Variants in NUFIP1 observed in about 807,000 individuals in gnomAD.
NUFIP1 encodes nuclear FMR1 interacting protein 1, also known as FMR1-interacting protein NUFIP1.
NUFIP1 carries 38 observed loss-of-function variants against 56.2 expected under a neutral mutation model. That is an observed-to-expected ratio of 0.68 (90% CI 0.52 to 0.89). The LOEUF (loss-of-function observed/expected upper bound fraction) is 0.89. Among genes scored for constraint, NUFIP1 ranks in the 40% least tolerant of loss-of-function variants. The pLI is 0.00. For synonymous variants in NUFIP1, 215 were observed against 212.4 expected, an observed-to-expected ratio of 1.01 and a Z score of -0.10; for missense variants, 567 against 605.8, an observed-to-expected ratio of 0.94 and a Z score of 0.67.
At chr13:44,976,773 G>A (rs764428956) in intron 5 of NUFIP1, among the ~76,000 whole-genome samples, 1 of 152,112 alleles carries the variant, frequency 6.6e-6, no homozygotes, top group Non-Finnish European at 1.5e-5. Context: ...TTTGGTGGCT[G>A]GGTGGGAACT....
intron 6 of NUFIP1, among the ~76,000 whole-genome samples, chr13:44,960,566 CT>C (rs1248665652): frequency 6.6e-6 from 1 of 152,152 alleles, no homozygotes; most frequent in African/African-American, 2.4e-5. Context: ...TACACCTGGC[CT>C]TGTCTACTCA....
In NUFIP1 at chr13:44,973,187, T is replaced by C. The variant is rs183810135; in HGVS notation, c.734+6003A>G. On this transcript the variant is annotated intron_variant, in intron 5 of 9. Coordinates refer to ENST00000379161, the MANE Select transcript of NUFIP1 (RefSeq NM_012345.3). ...AAACCACAAGGGGGCATAGTTCACATTCGTGTAGGGAAAAGCCATTAATAC... is the reference window on the plus strand; with the variant it reads ...AAACCACAAGGGGGCATAGTTCACACTCGTGTAGGGAAAAGCCATTAATAC... 9.7e-4 allele frequency among the ~76,000 whole-genome samples: 148 copies of C among 152,310 alleles called. No homozygotes were observed. The South Asian group carries it at 0.018, about 19-fold the overall frequency.
chr13:44,979,106 C>G, intron 5 of NUFIP1, 84 bp downstream of exon 5: 2 of 1,090,838 alleles, frequency 1.8e-6, no homozygotes, highest in Non-Finnish European at 2.7e-6. Context: ...TTCCAACATT[C>G]TAAGGGAATT....
rs1870665323 is a variant in NUFIP1, at chr13:44,939,635, A to G, written c.*1571T>C. On this transcript the variant is annotated 3_prime_UTR_variant, in exon 10 of 10. Transcript: ENST00000379161. The stretch of plus-strand genomic sequence containing the variant: ...CCTTAGAAATTTTAAATACACTTGG[A>G]ATCTGAAATACCCATTAAAAATAAA... 2.6e-5 allele frequency: 4 copies of G among 152,226 alleles called. No individual in the cohort carries two copies. Among genetic ancestry groups the G allele is most frequent in the African/African-American group, 7.2e-5 (3 of 41,466 alleles). The allele number at this position is 152,226 out of a possible 1,614,324, so 9.4% of individuals were successfully genotyped here. A position where few individuals can be genotyped will look rare whatever the true frequency, so the allele number is the denominator to read the frequency against.
chr13:44,949,689 C>T (rs1871021885), intron 8 of NUFIP1, 33 bp downstream of exon 8: 1 of 1,409,450 alleles, frequency 7.1e-7, no homozygotes, highest in Non-Finnish European at 9.7e-7. Context: ...AGCAACAAAA[C>T]AAAACCCTGT....
chr13:44,957,777 A>C (rs187791511), intron 7 of NUFIP1, among the ~76,000 whole-genome samples: 1 of 152,346 alleles, frequency 6.6e-6, no homozygotes, highest in African/African-American at 2.4e-5. Flanking sequence ...AACAAAGACT[A>C]TCCAATATCG....
At chr13:44,946,981 G>A (rs1367361469) in intron 8 of NUFIP1, among the ~76,000 whole-genome samples, 1 of 152,106 alleles carries the variant, frequency 6.6e-6, no homozygotes, top group Non-Finnish European at 1.5e-5. Flanking sequence ...TGTGAAGCAA[G>A]GGTTTTTTCC....
chr13:44,977,203 T>C (rs1872010535), intron 5 of NUFIP1, among the ~76,000 whole-genome samples: 1 of 152,252 alleles, frequency 6.6e-6, no homozygotes, highest in African/African-American at 2.4e-5. Context: ...ACATACTAAA[T>C]TCTAGGCACT....
chr13:44,948,095 C>T (rs1175383), intron 8 of NUFIP1, among the ~76,000 whole-genome samples: 2,174 of 151,784 alleles, frequency 0.014, 58 homozygotes, highest in African/African-American at 0.051. Flanking sequence ...TTATCTCTAG[C>T]CTAGTCAACA....
intron 7 of NUFIP1, among the ~76,000 whole-genome samples, chr13:44,956,575 T>C (rs1395881861): frequency 6.6e-6 from 1 of 152,228 alleles, no homozygotes; most frequent in East Asian, 1.9e-4. Flanking sequence ...CAGTCCCATC[T>C]TGGGATGATG....
intron 8 of NUFIP1, among the ~76,000 whole-genome samples, chr13:44,949,452 C>T (rs1223719916): frequency 6.6e-6 from 1 of 151,984 alleles, no homozygotes; most frequent in Non-Finnish European, 1.5e-5. Context: ...CCGCCCGCCT[C>T]GGCCTCCCAA....
intron 6 of NUFIP1, among the ~76,000 whole-genome samples, chr13:44,961,916 G>C (rs1370996724): frequency 6.6e-6 from 1 of 152,212 alleles, no homozygotes; most frequent in Non-Finnish European, 1.5e-5. Flanking sequence ...AATTGAGAAA[G>C]TAGTGTATCT....
chr13:44,947,094 C>T (rs1026094933), intron 8 of NUFIP1, among the ~76,000 whole-genome samples: 7 of 152,050 alleles, frequency 4.6e-5, no homozygotes, highest in Non-Finnish European at 7.4e-5. Flanking sequence ...GAAAAGTCTA[C>T]GCATTATTGT....
At chr13:44,966,053 A>C (rs568782663) in intron 5 of NUFIP1, 117 bp from the exon 6 acceptor site, 29 of 458,114 alleles carry the variant, frequency 6.3e-5, no homozygotes, top group African/African-American at 5.7e-4. Context: ...CAAATTATAA[A>C]CCTTTAACTG....
At position 44,943,525 on chromosome 13, in the gene NUFIP1, T is replaced by A; in HGVS notation, c.1288A>T (p.Thr430Ser). Residue 430 changes from threonine (T) to serine (S), a missense_variant, in exon 9 of 10, where the codon ACA becomes TCA. Thr to Ser is a moderately conservative substitution (Grantham distance 58). Transcript: ENST00000379161. ...SENRKKSFEK[T>S]NPKRKKDYHN... ...TAATCTTTTTTCCTCTTAGGGTTTGTTTTTTCAAAGCTTTTCTTTCGGTTC... is the reference window on the plus strand; with the variant it reads ...TAATCTTTTTTCCTCTTAGGGTTTGATTTTTCAAAGCTTTTCTTTCGGTTC... 1.2e-6 allele frequency: 2 copies of A among 1,614,174 alleles called. No individual in the cohort carries two copies. The highest frequency in any genetic ancestry group is 1.7e-6 in the Non-Finnish European group (2 of 1,180,024).
At chr13:44,955,966 A>G (rs918130612) in intron 7 of NUFIP1, among the ~76,000 whole-genome samples, 10 of 151,640 alleles carry the variant, frequency 6.6e-5, no homozygotes, top group Non-Finnish European at 1.3e-4. Flanking sequence ...ACACGGTGAA[A>G]CCCCGTCTCT....
chr13:44,976,723 T>C (rs575457321), intron 5 of NUFIP1, among the ~76,000 whole-genome samples: 3 of 152,168 alleles, frequency 2.0e-5, no homozygotes, highest in Admixed American at 2.0e-4. Flanking sequence ...CATCATAAGA[T>C]TGGATAATTT....
intron 8 of NUFIP1, among the ~76,000 whole-genome samples, chr13:44,947,858 A>AT (rs1566055896): frequency 6.6e-6 from 1 of 152,176 alleles, no homozygotes; most frequent in African/African-American, 2.4e-5. Flanking sequence ...AAAAAATGCT[A>AT]TTTTTCTTAA....
Position 44,939,283 on chromosome 13 carries a change from T to C in NUFIP1, c.*1923A>G, listed in dbSNP as rs1374753589. The C allele has an allele frequency of 1.3e-5, 2 of 152,186 alleles. No individual in the cohort carries two copies. The highest frequency in any genetic ancestry group is 2.9e-5 in the Non-Finnish European group (2 of 68,042). The allele number at this position is 152,186 out of a possible 1,614,324, so 9.4% of individuals were successfully genotyped here. ...AATGTTTTAATAATCTCAATTAATA[T>C]AAATGTATTAAATTTCCCAGAGCTG... On this transcript the variant is annotated 3_prime_UTR_variant, in exon 10 of 10. Transcript: ENST00000379161.
Sources: allele counts gnomAD v4.1 joint callset (sites outside exome capture counted in the v4.1 genomes callset), GRCh38; gene constraint gnomAD v4.1.1; transcripts MANE v1.5; gene names NCBI Gene and HGNC (gene_info 2026-07-23, HGNC 2026-07-21).